Variants in PRKCG observed in about 807,000 individuals in gnomAD.
The protein encoded by PRKCG is protein kinase C gamma type.
A neutral mutation model predicts 82.0 loss-of-function variants in PRKCG; 28 were observed. The ratio of observed to expected loss-of-function variants is 0.34; its 90% CI spans 0.25 to 0.47. The LOEUF (loss-of-function observed/expected upper bound fraction) is 0.47, where lower values mean the gene tolerates loss of function less well. Among genes scored for constraint, PRKCG ranks in the 20% least tolerant of loss-of-function variants. The pLI is 1.00. For synonymous variants in PRKCG, 383 were observed against 376.6 expected (o/e 1.02, Z -0.20); for missense variants, 640 against 952.7 (o/e 0.67, Z 4.32).
Position 53,900,349 on chromosome 19 carries a change from G to A in PRKCG, c.1373+25G>A, listed in dbSNP as rs763047434. The A allele has an allele frequency of 2.8e-5, 45 of 1,613,916 alleles. No individual in the cohort carries two copies. The highest frequency in any genetic ancestry group is 3.6e-5 in the Non-Finnish European group (43 of 1,179,946). On this transcript the variant is annotated intron_variant, in intron 12 of 17. Coordinates refer to ENST00000263431, the MANE Select transcript of PRKCG (RefSeq NM_002739.5). This position sits in a 1 kb window ranked among gnomAD's most constrained non-coding sequence, Gnocchi z 4.2. ...CGTGAGTCTCGGCCAACAGAGAATG[G>A]TCGGGGTGGTGGAAGGGGGCAGGAT...
chr19:53,895,891 C>G (rs551008843), intron 9 of PRKCG, among the ~76,000 whole-genome samples: 1 of 152,132 alleles, frequency 6.6e-6, no homozygotes, highest in African/African-American at 2.4e-5. Context: ...ATCCCCGTCT[C>G]TACTAAAAAT....
At position 53,906,435 on chromosome 19, in the gene PRKCG, C is replaced by T. The variant is rs1303074743; in HGVS notation, c.1883C>T (p.Pro628Leu). Residue 628 changes from proline (P) to leucine (L), a missense_variant, in exon 17 of 18, where the codon CCG becomes CTG. By Grantham distance (98) the Pro-to-Leu change is moderately conservative. This residue lies in a region of PRKCG where 198 missense variants were observed against 273.4 expected (regional missense o/e 0.72). Coordinates refer to ENST00000263431, the MANE Select transcript of PRKCG (RefSeq NM_002739.5). The part of the protein sequence containing the change: ...DWERLERLEI[P>L]PPFRPRPCGR... ...GAGCGGCTGGAACGATTGGAGATCC[C>T]GCCTCCTTTCAGACCCCGCCCGGTC... 22 of 1,574,968 alleles carry T rather than the reference C, an allele frequency of 1.4e-5. No individual in the cohort carries two copies. The highest frequency in any genetic ancestry group is 5.8e-5 in the South Asian group (5 of 86,426).
intron 3 of PRKCG, among the ~76,000 whole-genome samples, chr19:53,887,112 C>T (rs1043910556): frequency 1.3e-5 from 2 of 151,880 alleles, no homozygotes; most frequent in Admixed American, 1.3e-4. Context: ...CACTCTGTTG[C>T]CCAGGCTGGA....
Position 53,906,898 on chromosome 19 carries a change from T to G in PRKCG, c.*3T>G. Reference sequence around the variant, plus strand: ...CAGTGCCTGTGCCCGTCATGTAATCTCACCCGCCGCCACTAGGTGTCCCCA... The same window carrying G: ...CAGTGCCTGTGCCCGTCATGTAATCGCACCCGCCGCCACTAGGTGTCCCCA... On this transcript the variant is annotated 3_prime_UTR_variant, in exon 18 of 18. Coordinates refer to ENST00000263431, the MANE Select transcript of PRKCG (RefSeq NM_002739.5). 1 of 1,612,382 alleles carries G rather than the reference T, an allele frequency of 6.2e-7. No homozygotes were observed. Among genetic ancestry groups the G allele is most frequent in the South Asian group, 1.1e-5 (1 of 91,060 alleles).
Position 53,900,265 on chromosome 19 carries a change from C to CG in PRKCG, c.1319dup (p.Asp441ArgfsTer13). On this transcript the variant is annotated frameshift_variant, in exon 12 of 18. Coordinates refer to ENST00000263431, the MANE Select transcript of PRKCG (RefSeq NM_002739.5). LOFTEE classifies it high-confidence loss of function. This position sits in a 1 kb window ranked among gnomAD's most constrained non-coding sequence, Gnocchi z 4.2. Reference sequence around the variant, plus strand: ...TGTATTTCGTGATGGAGTACGTCACCGGGGGAGACTTGATGTACCACATTC... The same window carrying CG: ...TGTATTTCGTGATGGAGTACGTCACCGGGGGGAGACTTGATGTACCACATTC... 6.2e-7 allele frequency: 1 copy of CG among 1,614,076 alleles called. No homozygotes were observed. The highest frequency in any genetic ancestry group is 1.1e-5 in the South Asian group (1 of 91,082).
At position 53,889,651 on chromosome 19, in the gene PRKCG, A is replaced by G; in HGVS notation, c.299A>G (p.Lys100Arg). The change falls in exon 4 of 18, where the codon AAA becomes AGA. Residue 100 changes from lysine (K) to arginine (R), a missense_variant. Lys to Arg is a conservative substitution (Grantham distance 26, BLOSUM62 2). This residue lies in a region of PRKCG where 50 missense variants were observed against 146.5 expected (regional missense o/e 0.34). Coordinates refer to ENST00000263431, the MANE Select transcript of PRKCG (RefSeq NM_002739.5). The surrounding 1 kb of genome is among the most constrained non-coding windows in gnomAD (Gnocchi z 4.4). ...CTCTGCCCCCAGGACCCCCGGAACA[A>G]ACACAAGTTCCGCCTGCATAGCTAC... ...KGPQTDDPRN[K>R]HKFRLHSYSS... 1 of 1,614,062 alleles carries G rather than the reference A, an allele frequency of 6.2e-7. No individual in the cohort carries two copies. Among genetic ancestry groups the G allele is most frequent in the Non-Finnish European group, 8.5e-7 (1 of 1,180,004 alleles).
chr19:53,903,348 T>C (rs1162194296), intron 15 of PRKCG, among the ~76,000 whole-genome samples, 195 bp downstream of exon 15: 1 of 152,222 alleles, frequency 6.6e-6, no homozygotes, highest in Non-Finnish European at 1.5e-5. Context: ...CCATGGATTC[T>C]TTCTCCCTAG....
In PRKCG at chr19:53,898,130, T is replaced by G. The variant is rs2068731169; in HGVS notation, c.1092+19T>G. On this transcript the variant is annotated intron_variant, in intron 10 of 17. Coordinates refer to ENST00000263431, the MANE Select transcript of PRKCG (RefSeq NM_002739.5). ...TGGGAAGGTTGGATTCCTGGGGTTC[T>G]GGGGGAAAGGGAGGATGTCTGTGGG... The G allele has an allele frequency of 6.2e-7, 1 of 1,613,518 alleles. No homozygotes were observed. The highest frequency in any genetic ancestry group is 1.7e-5 in the Admixed American group (1 of 59,864).
intron 5 of PRKCG, among the ~76,000 whole-genome samples, chr19:53,891,415 C>T (rs2068674803): frequency 6.6e-6 from 1 of 151,586 alleles, no homozygotes; most frequent in Non-Finnish European, 1.5e-5. Context: ...TAGCTGGGAC[C>T]ACAGACACCT....
Position 53,900,482 on chromosome 19 carries a change from G to A in PRKCG, c.1436+1G>A. 1 of 1,614,144 alleles carries A rather than the reference G, an allele frequency of 6.2e-7. No homozygotes were observed. Among genetic ancestry groups the A allele is most frequent in the Non-Finnish European group, 8.5e-7 (1 of 1,180,014 alleles). Reference sequence around the variant, plus strand: ...TTCACAATCAGGGCATCATCTACAGGTGAGCAGCCCCAGGAATTTCCGTGG... The same window carrying A: ...TTCACAATCAGGGCATCATCTACAGATGAGCAGCCCCAGGAATTTCCGTGG... On this transcript the variant is annotated splice_donor_variant, in intron 13 of 17. Transcript: ENST00000263431. LOFTEE classifies it high-confidence loss of function. The surrounding 1 kb of genome is among the most constrained non-coding windows in gnomAD (Gnocchi z 4.2).
chr19:53,890,501 CCTCGA>C (rs1200038971), intron 5 of PRKCG, among the ~76,000 whole-genome samples: 2 of 151,532 alleles, frequency 1.3e-5, no homozygotes, highest in African/African-American at 2.4e-5. Flanking sequence ...CAGGTGATCC[CCTCGA>C]CTCGGCCTCC....
chr19:53,905,390 C>CAT (rs61324694), intron 16 of PRKCG, among the ~76,000 whole-genome samples: 38,342 of 149,706 alleles, frequency 0.26, 5,046 homozygotes, highest in Non-Finnish European at 0.28. Flanking sequence ...CATACACACA[C>CAT]GCTACATCTC....
chr19:53,893,523 C>A, intron 9 of PRKCG, 132 bp downstream of exon 9: 1 of 1,002,566 alleles, frequency 1.0e-6, no homozygotes, highest in Non-Finnish European at 1.6e-6. Flanking sequence ...CTGTCTTGTG[C>A]TTGCTGAATA....
At position 53,898,702 on chromosome 19, in the gene PRKCG, T is replaced by A. The variant is rs542689144; in HGVS notation, c.1281+74T>A. 1.1e-5 allele frequency: 16 copies of A among 1,421,954 alleles called. No homozygotes were observed. In the East Asian group the frequency reaches 3.6e-4, roughly 32 times the overall value. 88.1% of individuals were successfully genotyped at this position (1,421,954 alleles called of 1,614,324 possible). A position where few individuals can be genotyped will look rare whatever the true frequency, so the allele number is the denominator to read the frequency against. On this transcript the variant is annotated intron_variant, in intron 11 of 17. Coordinates refer to ENST00000263431, the MANE Select transcript of PRKCG (RefSeq NM_002739.5). ...GTTCTGGACATCTGCGTTGGGATTC[T>A]GAGTTTAGGGCGAGGCAAGAGAACT... is the stretch of plus-strand genomic sequence containing the variant.
Position 53,882,379 on chromosome 19 carries a change from C to T in PRKCG, c.-116C>T, listed in dbSNP as rs772306670. 18 of 1,473,212 alleles carry T rather than the reference C, an allele frequency of 1.2e-5. No homozygotes were observed. Among genetic ancestry groups the T allele is most frequent in the Admixed American group, 2.1e-5 (1 of 47,416 alleles). The allele number at this position is 1,473,212 out of a possible 1,614,324, so 91.3% of individuals were successfully genotyped here. ...CTGGAGGTGCCTTGCCCCTCTCCTG[C>T]CCACCTCGGAATTTCCCTGTGGCTC... is the stretch of plus-strand genomic sequence containing the variant. On this transcript the variant is annotated 5_prime_UTR_variant, in exon 1 of 18. Transcript: ENST00000263431. The surrounding 1 kb of genome is among the most constrained non-coding windows in gnomAD (Gnocchi z 6.1).
intron 14 of PRKCG, among the ~76,000 whole-genome samples, chr19:53,901,997 A>T (rs531379386): frequency 6.6e-6 from 1 of 152,040 alleles, no homozygotes; most frequent in African/African-American, 2.4e-5. Context: ...GAATGTACGT[A>T]TAGATGGATA....
chr19:53,906,933 C>G lies in PRKCG; in HGVS notation c.*38C>G. The G allele has an allele frequency of 6.2e-7, 1 of 1,612,402 alleles. No homozygotes were observed. ...CCACTAGGTGTCCCCAACGTCCCCT[C>G]CGCCGTGCCGGCGGCAGCCCCACTT... On this transcript the variant is annotated 3_prime_UTR_variant, in exon 18 of 18. Coordinates refer to ENST00000263431, the MANE Select transcript of PRKCG (RefSeq NM_002739.5).
At chr19:53,896,672 G>A (rs893334699) in intron 9 of PRKCG, among the ~76,000 whole-genome samples, 2 of 152,006 alleles carry the variant, frequency 1.3e-5, no homozygotes, top group Non-Finnish European at 2.9e-5. Flanking sequence ...TGCCCACCTC[G>A]GCCTCCCAAA....
Position 53,902,890 on chromosome 19 carries a change from CAAAAAAAAAAAAA to C in PRKCG, c.1576-169_1576-157del, listed in dbSNP as rs56955659. 2.5e-4 allele frequency among the ~76,000 whole-genome samples: 5 copies of C among 19,976 alleles called. No homozygotes were observed. The South Asian group carries it at 6.0e-3, about 24-fold the overall frequency. 13.1% of individuals were successfully genotyped at this position (19,976 alleles called of 152,430 possible). A position where few individuals can be genotyped will look rare whatever the true frequency, so the allele number is the denominator to read the frequency against. ...CCTGGGCAACAGAGTGAGACCCTGT[CAAAAAAAAAAAAA>C]AAAAAAAAAAAAACGAAACAAAAAA... On this transcript the variant is annotated intron_variant, in intron 14 of 17. Transcript: ENST00000263431.
Sources: allele counts gnomAD v4.1 joint callset (sites outside exome capture counted in the v4.1 genomes callset), GRCh38; gene constraint gnomAD v4.1.1; regional missense constraint gnomAD v4.1.1; non-coding constraint Gnocchi (gnomAD v3.1); transcripts MANE v1.5; gene names NCBI Gene and HGNC (gene_info 2026-07-23, HGNC 2026-07-21).